Variants in KCND2 observed in about 807,000 individuals in gnomAD.
KCND2 encodes the protein potassium voltage-gated channel subfamily D member 2, also known as A-type voltage-gated potassium channel KCND2.
In KCND2, 16 loss-of-function variants were observed where a neutral mutation model predicts 54.4. The observed-to-expected ratio is 0.29, with a 90% CI of 0.20 to 0.45. KCND2 has a LOEUF of 0.45. Ranked by LOEUF, KCND2 falls within the 20% of genes least tolerant of loss-of-function variation. The probability of loss-of-function intolerance (pLI) is 1.00; values close to 1 mark genes in which losing one functional copy is unlikely to be tolerated. For synonymous variants in KCND2, 317 were observed against 310.7 expected (o/e 1.02, Z -0.21); for missense variants, 486 against 824.2 (o/e 0.59, Z 5.02).
At chr7:120,475,594 A>G (rs1176009486) in intron 1 of KCND2, among the ~76,000 whole-genome samples, 3 of 152,190 alleles carry the variant, frequency 2.0e-5, no homozygotes, top group Non-Finnish European at 4.4e-5. Context: ...AGGTTCACAG[A>G]GCTTAAATGA....
chr7:120,725,792 T>G (rs1240454641), intron 1 of KCND2, among the ~76,000 whole-genome samples: 2 of 152,204 alleles, frequency 1.3e-5, no homozygotes, highest in Admixed American at 1.3e-4. Context: ...AAACATTATT[T>G]GGGCTATAAC....
At chr7:120,400,260 G>A (rs570614262) in intron 1 of KCND2, among the ~76,000 whole-genome samples, 1 of 152,078 alleles carries the variant, frequency 6.6e-6, no homozygotes, top group Non-Finnish European at 1.5e-5. Context: ...ATGCAAAAGG[G>A]TTCTACAATA....
chr7:120,604,813 A>G (rs1178163478), intron 1 of KCND2, among the ~76,000 whole-genome samples: 1 of 152,172 alleles, frequency 6.6e-6, no homozygotes, highest in Non-Finnish European at 1.5e-5. Flanking sequence ...AAGAACTATA[A>G]AAAGAAAAAC....
chr7:120,301,847 C>T (rs1799589071), intron 1 of KCND2, among the ~76,000 whole-genome samples: 1 of 152,106 alleles, frequency 6.6e-6, no homozygotes, highest in Non-Finnish European at 1.5e-5. Context: ...TTTTGTGCAT[C>T]ACCCCTATAA....
intron 1 of KCND2, among the ~76,000 whole-genome samples, chr7:120,308,511 TA>T (rs1799681069): frequency 6.6e-6 from 1 of 152,178 alleles, no homozygotes; most frequent in Non-Finnish European, 1.5e-5. Context: ...ATCACAGAGT[TA>T]AGGTTTCAAG....
chr7:120,615,164 A>G (rs967735388), intron 1 of KCND2, among the ~76,000 whole-genome samples: 2 of 152,306 alleles, frequency 1.3e-5, no homozygotes, highest in African/African-American at 4.8e-5. Context: ...TATTCTGTCA[A>G]CTACACCAGA....
At chr7:120,733,906 C>G (rs1792839566) in intron 2 of KCND2, among the ~76,000 whole-genome samples, 1 of 151,972 alleles carries the variant, frequency 6.6e-6, no homozygotes, top group Admixed American at 6.6e-5. Context: ...TTAATGTTTA[C>G]TGATGGTTTA....
chr7:120,587,108 CTT>C (rs1336659307), intron 1 of KCND2, among the ~76,000 whole-genome samples: 13 of 152,106 alleles, frequency 8.5e-5, no homozygotes, highest in African/African-American at 3.1e-4. Context: ...ATAAATCACT[CTT>C]GATGACTGCA....
At chr7:120,634,204 C>T (rs1266131280) in intron 1 of KCND2, among the ~76,000 whole-genome samples, 1 of 152,082 alleles carries the variant, frequency 6.6e-6, no homozygotes, top group Non-Finnish European at 1.5e-5. Flanking sequence ...GCCTTAGCTG[C>T]TTGAGGATGT....
intron 1 of KCND2, among the ~76,000 whole-genome samples, chr7:120,289,071 CACACACAGAG>C (rs796257490): frequency 0.064 from 2,512 of 39,220 alleles, 26 homozygotes; most frequent in East Asian, 0.25. Context: ...CACACACACA[CACACACAGAG>C]AGAGAGAGAG....
intron 1 of KCND2, among the ~76,000 whole-genome samples, chr7:120,319,216 T>G (rs892608899): frequency 1.3e-5 from 2 of 152,114 alleles, no homozygotes; most frequent in Non-Finnish European, 2.9e-5. Flanking sequence ...TTGGTTTTTT[T>G]CTTATTTCCT....
At chr7:120,721,464 T>C (rs1345337648) in intron 1 of KCND2, among the ~76,000 whole-genome samples, 5 of 152,108 alleles carry the variant, frequency 3.3e-5, no homozygotes, top group African/African-American at 1.2e-4. Flanking sequence ...TGGAATAGAA[T>C]CTTTCTTCTA....
intron 1 of KCND2, among the ~76,000 whole-genome samples, chr7:120,280,172 T>C (rs1023932123): frequency 1.3e-5 from 2 of 152,190 alleles, no homozygotes; most frequent in African/African-American, 2.4e-5. Flanking sequence ...AAGTTCTTTA[T>C]AGAAAATGTT....
At chr7:120,278,994 G>A (rs985273898) in intron 1 of KCND2, among the ~76,000 whole-genome samples, 1 of 151,562 alleles carries the variant, frequency 6.6e-6, no homozygotes, top group African/African-American at 2.4e-5. Flanking sequence ...TTTCCATAAT[G>A]TAAACTCTAG....
At chr7:120,328,355 T>TG (rs1800011629) in intron 1 of KCND2, among the ~76,000 whole-genome samples, 2 of 152,138 alleles carry the variant, frequency 1.3e-5, no homozygotes, top group Non-Finnish European at 2.9e-5. Context: ...GAAAAACAGT[T>TG]GGGGTTAGCA....
At chr7:120,541,819 G>A (rs1413022866) in intron 1 of KCND2, among the ~76,000 whole-genome samples, 1 of 152,146 alleles carries the variant, frequency 6.6e-6, no homozygotes, top group Non-Finnish European at 1.5e-5. Context: ...GTATGTATAT[G>A]TGTATGTTTA....
chr7:120,743,933 T>C (rs985234271), intron 4 of KCND2, among the ~76,000 whole-genome samples: 1 of 152,122 alleles, frequency 6.6e-6, no homozygotes, highest in Non-Finnish European at 1.5e-5. Flanking sequence ...TGTAACCTAG[T>C]AGGATAAATT....
chr7:120,594,679 C>G (rs1792711823), intron 1 of KCND2, among the ~76,000 whole-genome samples: 2 of 152,298 alleles, frequency 1.3e-5, no homozygotes, highest in South Asian at 4.1e-4. Context: ...ACAACTACTT[C>G]CTTGCCCCAA....
At chr7:120,485,955 T>C (rs1802687500) in intron 1 of KCND2, among the ~76,000 whole-genome samples, 1 of 152,198 alleles carries the variant, frequency 6.6e-6, no homozygotes, top group East Asian at 1.9e-4. Context: ...CTGAACTGTT[T>C]AGAATTCACT....
Sources: allele counts gnomAD v4.1 joint callset (sites outside exome capture counted in the v4.1 genomes callset), GRCh38; gene constraint gnomAD v4.1.1; transcripts MANE v1.5; gene names NCBI Gene and HGNC (gene_info 2026-07-23, HGNC 2026-07-21).